GPC6: variants seen among roughly 807,000 people sequenced by gnomAD.
The protein encoded by GPC6 is glypican-6.
A neutral mutation model predicts 55.2 loss-of-function variants in GPC6; 14 were observed. That is an observed-to-expected ratio of 0.25 (90% CI 0.17 to 0.40). The LOEUF (loss-of-function observed/expected upper bound fraction) is 0.40. GPC6 is among the 10% of genes least tolerant of loss of function. The pLI, the probability that GPC6 is intolerant of heterozygous loss-of-function variation, is 1.00. For synonymous variants in GPC6, 278 were observed against 259.6 expected (o/e 1.07, Z -0.68); for missense variants, 641 against 708.5 (o/e 0.90, Z 1.08).
rs115495788 is a variant in GPC6, at chr13:94,051,641, G to C, written c.877+23747G>C. 3.7e-3 allele frequency among the ~76,000 whole-genome samples: 565 copies of C among 152,154 alleles called. 6 individuals carry two copies. Among genetic ancestry groups the C allele is most frequent in the African/African-American group, 0.013 (544 of 41,512 alleles). On this transcript the variant is annotated intron_variant, in intron 4 of 8. Coordinates refer to ENST00000377047, the MANE Select transcript of GPC6 (RefSeq NM_005708.5). The stretch of plus-strand genomic sequence containing the variant: ...GTAAAGAGATATTCTTAACGAAAGA[G>C]TACATAATAATTGCACAAAATTAAA...
intron 4 of GPC6, among the ~76,000 whole-genome samples, chr13:94,277,245 T>A (rs1250670614): frequency 1.3e-5 from 2 of 151,750 alleles, no homozygotes; most frequent in Non-Finnish European, 2.9e-5. Context: ...TTGAAAAGTG[T>A]CTGTTCATAT....
rs551487390 is a variant in GPC6 at position 93,678,027 on chromosome 13, T to A, written c.319+132606T>A. 2.6e-5 allele frequency among the ~76,000 whole-genome samples: 4 copies of A among 152,268 alleles called. No individual in the cohort carries two copies. In the South Asian group the frequency reaches 8.3e-4, roughly 32 times the overall value. ...TCTTTCCCACCTATGGTCAAAAATTTCCCAATTCTCATACTGCCTTCTGCC... is the reference window on the plus strand; with the variant it reads ...TCTTTCCCACCTATGGTCAAAAATTACCCAATTCTCATACTGCCTTCTGCC... On this transcript the variant is annotated intron_variant, in intron 2 of 8. Transcript: ENST00000377047.
intron 2 of GPC6, among the ~76,000 whole-genome samples, chr13:93,799,012 A>G (rs1892531187): frequency 6.6e-6 from 1 of 152,150 alleles, no homozygotes; most frequent in African/African-American, 2.4e-5. Flanking sequence ...AAAAAGCTAC[A>G]TAGTAATATG....
chr13:93,728,307 C>T (rs1883714007), intron 2 of GPC6, among the ~76,000 whole-genome samples: 1 of 151,934 alleles, frequency 6.6e-6, no homozygotes, highest in Non-Finnish European at 1.5e-5. Flanking sequence ...GCCTCAATTT[C>T]CCGGGATCAA....
intron 3 of GPC6, among the ~76,000 whole-genome samples, chr13:93,971,317 T>C (rs1346428826): frequency 6.6e-6 from 1 of 152,172 alleles, no homozygotes; most frequent in Non-Finnish European, 1.5e-5. Context: ...ATAATAGGAA[T>C]GTGAAAGAAG....
chr13:94,040,123 G>A (rs1364127914), intron 4 of GPC6, among the ~76,000 whole-genome samples: 1 of 151,694 alleles, frequency 6.6e-6, no homozygotes, highest in Admixed American at 6.6e-5. Flanking sequence ...AATTCTCATT[G>A]CACGAAATCT....
rs771991534 is a variant in GPC6, at chr13:93,596,927, G to A, written c.319+51506G>A. 3.4e-4 allele frequency among the ~76,000 whole-genome samples: 47 copies of A among 139,512 alleles called. 1 individual carries two copies. Among genetic ancestry groups the A allele is most frequent in the Middle Eastern group, 9.1e-3 (2 of 220 alleles). The allele number at this position is 139,512 out of a possible 152,430, so 91.5% of individuals were successfully genotyped here. A position where few individuals can be genotyped will look rare whatever the true frequency, so the allele number is the denominator to read the frequency against. On this transcript the variant is annotated intron_variant, in intron 2 of 8. Transcript: ENST00000377047. ...TGCAGTTGGTAGGCTGGAGACCCAG[G>A]AAAGCTGATGGTATGGTTCCAAAAC...
intron 2 of GPC6, among the ~76,000 whole-genome samples, chr13:93,672,197 C>CTG (rs1325940764): frequency 3.4e-4 from 47 of 138,968 alleles, no homozygotes; most frequent in African/African-American, 9.0e-4. Flanking sequence ...ATTTTAATGA[C>CTG]TGTGTGTGTG....
At chr13:94,308,164 C>G (rs1418542145) in intron 6 of GPC6, among the ~76,000 whole-genome samples, 1 of 152,144 alleles carries the variant, frequency 6.6e-6, no homozygotes, top group Non-Finnish European at 1.5e-5. Context: ...CCCTCTGAAA[C>G]AGAGAAGCCG....
chr13:94,031,831 A>G (rs1001664593), intron 4 of GPC6, among the ~76,000 whole-genome samples: 2 of 152,210 alleles, frequency 1.3e-5, no homozygotes, highest in Non-Finnish European at 2.9e-5. Context: ...ACAAGAGGCC[A>G]TGTTGCAGAT....
chr13:93,982,547 G>A (rs1285138117), intron 3 of GPC6, among the ~76,000 whole-genome samples: 3 of 152,064 alleles, frequency 2.0e-5, no homozygotes, highest in African/African-American at 7.2e-5. Flanking sequence ...CACTACTTAG[G>A]TATCTCTCTG....
intron 2 of GPC6, among the ~76,000 whole-genome samples, chr13:93,565,228 A>G (rs551319266): frequency 9.2e-5 from 14 of 152,272 alleles, no homozygotes; most frequent in African/African-American, 3.4e-4. Flanking sequence ...GGGGAGAAGC[A>G]GCACTCAGTG....
chr13:94,196,713 A>C (rs1469496298), intron 4 of GPC6, among the ~76,000 whole-genome samples: 1 of 152,194 alleles, frequency 6.6e-6, no homozygotes, highest in African/African-American at 2.4e-5. Flanking sequence ...GAGAGTTGGC[A>C]TAACCCCATA....
chr13:93,336,026 T>A (rs1365070412), intron 1 of GPC6, among the ~76,000 whole-genome samples: 1 of 152,230 alleles, frequency 6.6e-6, no homozygotes, highest in Non-Finnish European at 1.5e-5. Flanking sequence ...TTCCTCTAAA[T>A]AATAAGATTT....
At chr13:93,426,833 A>G (rs1385125052) in intron 1 of GPC6, among the ~76,000 whole-genome samples, 1 of 149,670 alleles carries the variant, frequency 6.7e-6, no homozygotes, top group Non-Finnish European at 1.5e-5. Context: ...ACAATGGTTG[A>G]ACTAGTTTAC....
intron 3 of GPC6, among the ~76,000 whole-genome samples, chr13:93,944,227 G>A (rs1034679083): frequency 9.5e-5 from 14 of 146,784 alleles, no homozygotes; most frequent in Admixed American, 8.2e-4. Flanking sequence ...TTTTCCTGAC[G>A]GAGTCTTGCT....
rs531119013 is a variant in GPC6 at position 93,514,543 on chromosome 13, A to G, written c.161-30720A>G. 5.3e-5 allele frequency among the ~76,000 whole-genome samples: 8 copies of G among 152,310 alleles called. No homozygotes were observed. In the East Asian group the frequency reaches 1.5e-3, roughly 29 times the overall value. ...TGAGTATAATTTATCTTTTCAGAGC[A>G]TCTCACATCCTTGGTAGGCATATGC... On this transcript the variant is annotated intron_variant, in intron 1 of 8. Coordinates refer to ENST00000377047, the MANE Select transcript of GPC6 (RefSeq NM_005708.5).
chr13:94,238,615 T>G lies in GPC6; in HGVS notation c.878-47734T>G, dbSNP rs187498426. Among the ~76,000 whole-genome samples, 176 of 152,262 alleles carry G rather than the reference T, an allele frequency of 1.2e-3. 1 individual carries two copies. Among genetic ancestry groups the G allele is most frequent in the African/African-American group, 4.1e-3 (169 of 41,566 alleles). ...GAATTTAACAATTATAAGAAGTCTT[T>G]TGAGAAAGCAGTTCAATCATATGCT... is the stretch of plus-strand genomic sequence containing the variant. On this transcript the variant is annotated intron_variant, in intron 4 of 8. Coordinates refer to ENST00000377047, the MANE Select transcript of GPC6 (RefSeq NM_005708.5).
chr13:94,020,578 C>T (rs917128758), intron 3 of GPC6, among the ~76,000 whole-genome samples: 1 of 152,122 alleles, frequency 6.6e-6, no homozygotes, highest in East Asian at 1.9e-4. Flanking sequence ...TGTGTGACAT[C>T]ACTCATCTTC....
Sources: allele counts gnomAD v4.1 joint callset (sites outside exome capture counted in the v4.1 genomes callset), GRCh38; gene constraint gnomAD v4.1.1; transcripts MANE v1.5; gene names NCBI Gene and HGNC (gene_info 2026-07-23, HGNC 2026-07-21).